Variants in ODAD2 observed in about 807,000 individuals in gnomAD.
ODAD2 encodes outer dynein arm-docking complex subunit 2.
ODAD2 carries 89 observed loss-of-function variants against 106.8 expected under a neutral mutation model. The observed-to-expected ratio is 0.83, with a 90% CI of 0.70 to 0.99. The LOEUF is 0.99. ODAD2 is among the 50% of genes least tolerant of loss of function. ODAD2 has a pLI of 0.00. For synonymous variants in ODAD2, 404 were observed against 436.2 expected, an observed-to-expected ratio of 0.93 and a Z score of 0.92; for missense variants, 1,168 against 1,238.5, an observed-to-expected ratio of 0.94 and a Z score of 0.85.
At chr10:27,983,419 C>T (rs1190882373) in intron 6 of ODAD2, among the ~76,000 whole-genome samples, 1 of 152,204 alleles carries the variant, frequency 6.6e-6, no homozygotes, top group Admixed American at 6.5e-5. Context: ...CTTCATAGGG[C>T]ACTGTCTCCT....
intron 16 of ODAD2, among the ~76,000 whole-genome samples, chr10:27,926,503 T>C (rs887312281): frequency 2.0e-5 from 3 of 152,038 alleles, no homozygotes; most frequent in Non-Finnish European, 4.4e-5. Context: ...TTTAAAACAC[T>C]CTTCAAAGTC....
At chr10:27,885,813 T>A (rs373056103) in intron 17 of ODAD2, among the ~76,000 whole-genome samples, 37 of 55,286 alleles carry the variant, frequency 6.7e-4, no homozygotes, top group African/African-American at 9.6e-4. Context: ...AAATATATAT[T>A]ATATATAATA....
chr10:27,934,866 G>A, intron 16 of ODAD2, 144 bp downstream of exon 16: 2 of 1,109,300 alleles, frequency 1.8e-6, no homozygotes, highest in Non-Finnish European at 2.6e-6. Flanking sequence ...CTCATGATTT[G>A]GTAAACTTGT....
chr10:27,951,736 C>T (rs1259908445), intron 10 of ODAD2, among the ~76,000 whole-genome samples: 2 of 151,718 alleles, frequency 1.3e-5, no homozygotes, highest in African/African-American at 4.8e-5. Flanking sequence ...AACCTATAAG[C>T]CATGAAGAAA....
intron 10 of ODAD2, 22 bp downstream of exon 10, chr10:27,961,546 T>C: frequency 3.8e-6 from 6 of 1,593,616 alleles, no homozygotes; most frequent in South Asian, 3.4e-5. Context: ...ATTGCAAACA[T>C]ACTACCATAG....
chr10:27,944,772 A>G (rs1429749857), intron 11 of ODAD2, 44 bp downstream of exon 11: 1 of 1,612,290 alleles, frequency 6.2e-7, no homozygotes. Context: ...GAGCCCAGGA[A>G]GGTGGGAACA....
chr10:27,975,324 T>C (rs574851325), intron 7 of ODAD2, among the ~76,000 whole-genome samples: 2 of 152,032 alleles, frequency 1.3e-5, no homozygotes, highest in South Asian at 4.2e-4. Context: ...CAAAGTAAAG[T>C]ATAAAAGATA....
At chr10:27,851,426 C>T (rs1337734306) in intron 19 of ODAD2, among the ~76,000 whole-genome samples, 1 of 151,532 alleles carries the variant, frequency 6.6e-6, no homozygotes, top group Non-Finnish European at 1.5e-5. Flanking sequence ...TGAAAGCAAC[C>T]CAGAAATAAT....
intron 2 of ODAD2, among the ~76,000 whole-genome samples, chr10:27,989,783 A>G (rs1850109682): frequency 6.6e-6 from 1 of 152,082 alleles, no homozygotes; most frequent in African/African-American, 2.4e-5. Flanking sequence ...GGGAGGCGGG[A>G]GGATGCAGTG....
At chr10:27,960,517 T>G (rs1466882528) in intron 10 of ODAD2, among the ~76,000 whole-genome samples, 2 of 151,642 alleles carry the variant, frequency 1.3e-5, no homozygotes, top group Non-Finnish European at 2.9e-5. Context: ...CAGCTAATTT[T>G]TTTTGTATTT....
chr10:27,956,913 T>C (rs1289983267), intron 10 of ODAD2: 1 of 152,226 alleles, frequency 6.6e-6, no homozygotes, highest in Non-Finnish European at 1.5e-5. Context: ...CTAATATTTA[T>C]TTCCACATTT....
intron 17 of ODAD2, among the ~76,000 whole-genome samples, chr10:27,877,872 T>C (rs930359460): frequency 1.3e-5 from 2 of 152,214 alleles, no homozygotes; most frequent in Non-Finnish European, 2.9e-5. Flanking sequence ...TCTCATATGA[T>C]CTTCACAACG....
chr10:27,985,748 A>G (rs1387782824), intron 3 of ODAD2, among the ~76,000 whole-genome samples: 4 of 151,608 alleles, frequency 2.6e-5, no homozygotes, highest in Admixed American at 1.3e-4. Context: ...ATATGATCTT[A>G]GAGTTGGAAA....
At chr10:27,857,323 A>T (rs1839727349) in intron 19 of ODAD2, among the ~76,000 whole-genome samples, 1 of 152,228 alleles carries the variant, frequency 6.6e-6, no homozygotes, top group Admixed American at 6.5e-5. Context: ...CATAATACAT[A>T]TAACATACGA....
intron 3 of ODAD2, 26 bp downstream of exon 3, chr10:27,987,360 A>C: frequency 1.3e-6 from 2 of 1,597,774 alleles, no homozygotes; most frequent in Non-Finnish European, 1.7e-6. Flanking sequence ...AAAAGTTCAA[A>C]TCACAGACTG....
At chr10:27,832,703 A>G (rs1455339131) in intron 19 of ODAD2, among the ~76,000 whole-genome samples, 1 of 152,108 alleles carries the variant, frequency 6.6e-6, no homozygotes, top group Non-Finnish European at 1.5e-5. Flanking sequence ...TTTCTCCTTA[A>G]ACGTTATTGC....
At chr10:27,816,924 A>AT (rs1218152790) in intron 19 of ODAD2, among the ~76,000 whole-genome samples, 3 of 151,894 alleles carry the variant, frequency 2.0e-5, no homozygotes, top group Admixed American at 2.0e-4. Context: ...TAATTTTTGT[A>AT]TTTTTAGTAG....
At chr10:27,830,437 G>A (rs948752747) in intron 19 of ODAD2, among the ~76,000 whole-genome samples, 20 of 152,152 alleles carry the variant, frequency 1.3e-4, no homozygotes, top group Admixed American at 1.2e-3. Flanking sequence ...CATGCCTACC[G>A]AGTTTTATGT....
intron 10 of ODAD2, among the ~76,000 whole-genome samples, chr10:27,952,072 C>T (rs1847367867): frequency 2.5e-5 from 1 of 39,254 alleles, no homozygotes; most frequent in Admixed American, 3.4e-4. Context: ...GAGATGCCAA[C>T]TCAAAAAAAA....
Sources: allele counts gnomAD v4.1 joint callset (sites outside exome capture counted in the v4.1 genomes callset), GRCh38; gene constraint gnomAD v4.1.1; transcripts MANE v1.5; gene names NCBI Gene and HGNC (gene_info 2026-07-23, HGNC 2026-07-21).